SPHKAP: variants seen among roughly 807,000 people sequenced by gnomAD.
SPHKAP encodes A-kinase anchor protein SPHKAP.
A neutral mutation model predicts 137.5 loss-of-function variants in SPHKAP; 67 were observed. The ratio of observed to expected loss-of-function variants is 0.49; its 90% CI spans 0.40 to 0.60. SPHKAP has a LOEUF of 0.60. SPHKAP is among the 20% of genes least tolerant of loss of function. SPHKAP has a pLI of 0.00. For synonymous variants in SPHKAP, 813 were observed against 785.3 expected (o/e 1.04, Z -0.59); for missense variants, 2,097 against 2,069.3 (o/e 1.01, Z -0.26).
At chr2:228,178,580 AATC>A (rs1276102647) in intron 1 of SPHKAP, among the ~76,000 whole-genome samples, 3 of 152,126 alleles carry the variant, frequency 2.0e-5, no homozygotes, top group Admixed American at 1.3e-4. Flanking sequence ...CGACTTAGCA[AATC>A]AAATCAATTT....
chr2:228,165,524 C>G (rs1354608596), intron 1 of SPHKAP, among the ~76,000 whole-genome samples: 2 of 152,172 alleles, frequency 1.3e-5, no homozygotes, highest in African/African-American at 2.4e-5. Context: ...ATATTAACTA[C>G]TTTAGAACAT....
chr2:228,052,983 AAATAT>A (rs1295049049), intron 3 of SPHKAP, among the ~76,000 whole-genome samples: 1 of 152,122 alleles, frequency 6.6e-6, no homozygotes, highest in Non-Finnish European at 1.5e-5. Context: ...CTGCCATACA[AAATAT>A]AATATATTAG....
intron 2 of SPHKAP, among the ~76,000 whole-genome samples, chr2:228,129,701 A>T (rs66499548): frequency 6.6e-6 from 1 of 151,420 alleles, no homozygotes; most frequent in African/African-American, 2.4e-5. Flanking sequence ...TTTATGTATA[A>T]ATATATACAT....
chr2:228,105,392 C>G (rs1303681266), intron 3 of SPHKAP, among the ~76,000 whole-genome samples: 1 of 152,160 alleles, frequency 6.6e-6, no homozygotes, highest in Admixed American at 6.6e-5. Context: ...GCTTCCAATT[C>G]CATTATCCTA....
chr2:228,038,599 G>A (rs1695724766), intron 3 of SPHKAP, among the ~76,000 whole-genome samples: 1 of 152,146 alleles, frequency 6.6e-6, no homozygotes, highest in African/African-American at 2.4e-5. Context: ...AATGACCTAG[G>A]AAAGGATTTT....
At chr2:227,990,841 C>T (rs1693386000) in intron 11 of SPHKAP, 159 bp downstream of exon 11, 2 of 712,346 alleles carry the variant, frequency 2.8e-6, no homozygotes, top group Middle Eastern at 3.9e-4. Context: ...ATTATATTTA[C>T]ACAGGTGGAA....
In SPHKAP at chr2:228,001,465, G is replaced by T. The variant is rs532000565; in HGVS notation, c.4449-5771C>A. Reference sequence around the variant, plus strand: ...TATATGTATATATACGAATATATACGTATATATAAAAATATATATACGTAT... The same window carrying T: ...TATATGTATATATACGAATATATACTTATATATAAAAATATATATACGTAT... On this transcript the variant is annotated intron_variant, in intron 7 of 11. Transcript: ENST00000392056. 3.1e-5 allele frequency among the ~76,000 whole-genome samples: 4 copies of T among 131,112 alleles called. No individual in the cohort carries two copies. The East Asian group carries it at 6.5e-4, about 21-fold the overall frequency. The allele number at this position is 131,112 out of a possible 152,430, so 86.0% of individuals were successfully genotyped here.
At chr2:227,990,628 T>C (rs575073846) in intron 11 of SPHKAP, among the ~76,000 whole-genome samples, 7 of 152,348 alleles carry the variant, frequency 4.6e-5, no homozygotes, top group African/African-American at 1.7e-4. Context: ...TAGATGTCAG[T>C]GTGGCCTCAC....
intron 7 of SPHKAP, among the ~76,000 whole-genome samples, chr2:227,996,443 G>A (rs764089227): frequency 7.2e-5 from 11 of 152,078 alleles, no homozygotes; most frequent in Non-Finnish European, 1.5e-4. Flanking sequence ...TTCTTGCCTG[G>A]AACCCAGTTG....
chr2:228,042,830 T>C (rs1695903146), intron 3 of SPHKAP, among the ~76,000 whole-genome samples: 1 of 152,208 alleles, frequency 6.6e-6, no homozygotes, highest in South Asian at 2.1e-4. Flanking sequence ...AAGAACCAAA[T>C]GTTATTTTGT....
At chr2:227,982,730 G>C (rs1349877454) in intron 11 of SPHKAP, among the ~76,000 whole-genome samples, 1 of 152,176 alleles carries the variant, frequency 6.6e-6, no homozygotes, top group Non-Finnish European at 1.5e-5. Flanking sequence ...AAAGATGTGG[G>C]CTTGAAAGAT....
At chr2:227,983,778 G>A (rs1693098685) in intron 11 of SPHKAP, among the ~76,000 whole-genome samples, 1 of 152,200 alleles carries the variant, frequency 6.6e-6, no homozygotes, top group South Asian at 2.1e-4. Context: ...CTGCAGGAGT[G>A]CTCCTTGAAA....
At position 228,019,434 on chromosome 2, in the gene SPHKAP, C is replaced by T. The variant is rs866494993; in HGVS notation, c.1420G>A (p.Glu474Lys). The change falls in exon 7 of 12, where the codon GAA becomes AAA. Residue 474 changes from glutamate (E) to lysine (K), a missense_variant. Transcript: ENST00000392056. ...QPGISSWPEM[E>K]VSVETSSILS... ...ATGCTTGAGGTTTCAACAGAGACTTCCATCTCAGGCCAGGAGGAGATGCCT... is the reference window on the plus strand; with the variant it reads ...ATGCTTGAGGTTTCAACAGAGACTTTCATCTCAGGCCAGGAGGAGATGCCT... 1 of 1,614,186 alleles carries T rather than the reference C, an allele frequency of 6.2e-7. No homozygotes were observed.
At chr2:228,086,014 C>T (rs1022435643) in intron 3 of SPHKAP, among the ~76,000 whole-genome samples, 1 of 151,990 alleles carries the variant, frequency 6.6e-6, no homozygotes, top group Non-Finnish European at 1.5e-5. Context: ...GTTTACAAAC[C>T]CTGCCTCAGT....
At chr2:228,159,606 C>A (rs1700214232) in intron 1 of SPHKAP, among the ~76,000 whole-genome samples, 1 of 152,004 alleles carries the variant, frequency 6.6e-6, no homozygotes, top group Non-Finnish European at 1.5e-5. Flanking sequence ...ATTTATGTCA[C>A]AAAAGGTTAA....
At position 228,113,603 on chromosome 2, in the gene SPHKAP, A is replaced by ATCTCTCTCTCTCTC. The variant is rs139499722; in HGVS notation, c.139-4678_139-4665dup. On this transcript the variant is annotated intron_variant, in intron 2 of 11. Coordinates refer to ENST00000392056, the MANE Select transcript of SPHKAP (RefSeq NM_001142644.2). ...CAAATCCCAGTCTATGCATTTAGCC[A>ATCTCTCTCTCTCTC]TCTCTCTCTCTCTCTCTCTCTCTCT... Among the ~76,000 whole-genome samples, 882 of 97,910 alleles carry ATCTCTCTCTCTCTC rather than the reference A, an allele frequency of 9.0e-3. 54 individuals carry two copies. Among genetic ancestry groups the ATCTCTCTCTCTCTC allele is most frequent in the East Asian group, 0.02 (61 of 3,112 alleles). The allele number at this position is 97,910 out of a possible 152,430, so 64.2% of individuals were successfully genotyped here.
At chr2:228,087,918 C>A (rs975950484) in intron 3 of SPHKAP, among the ~76,000 whole-genome samples, 2 of 152,208 alleles carry the variant, frequency 1.3e-5, no homozygotes, top group Admixed American at 1.3e-4. Context: ...CTGAAAAATG[C>A]ATAGTTTTCT....
chr2:228,040,226 G>T (rs1482092909), intron 3 of SPHKAP, among the ~76,000 whole-genome samples: 2 of 152,082 alleles, frequency 1.3e-5, no homozygotes, highest in Non-Finnish European at 2.9e-5. Flanking sequence ...CAGCCATCTG[G>T]CCATGTGGGA....
chr2:228,087,238 C>T (rs1341883135), intron 3 of SPHKAP, among the ~76,000 whole-genome samples: 1 of 152,004 alleles, frequency 6.6e-6, no homozygotes, highest in Non-Finnish European at 1.5e-5. Flanking sequence ...ATAGACTTCA[C>T]TAAAATAACC....
Sources: allele counts gnomAD v4.1 joint callset (sites outside exome capture counted in the v4.1 genomes callset), GRCh38; gene constraint gnomAD v4.1.1; transcripts MANE v1.5; gene names NCBI Gene and HGNC (gene_info 2026-07-23, HGNC 2026-07-21).